The following TMTC2 variants were observed in gnomAD, a reference collection of about 807,000 sequenced individuals.
The protein encoded by TMTC2 is transmembrane O-mannosyltransferase targeting cadherins 2, also known as protein O-mannosyl-transferase TMTC2.
In TMTC2, 43 loss-of-function variants were observed where a neutral mutation model predicts 82.4. The ratio of observed to expected loss-of-function variants is 0.52; its 90% CI spans 0.41 to 0.67. The LOEUF (loss-of-function observed/expected upper bound fraction) is 0.67, where lower values mean the gene tolerates loss of function less well. TMTC2 is among the 30% of genes least tolerant of loss of function. The pLI, the probability that TMTC2 is intolerant of heterozygous loss-of-function variation, is 0.00. For missense variants in TMTC2, 919 were observed against 1,012.4 expected (o/e 0.91, Z 1.25); for synonymous variants, 408 against 381.9 (o/e 1.07, Z -0.80).
intron 1 of TMTC2, among the ~76,000 whole-genome samples, chr12:82,736,029 T>C (rs1233181540): frequency 6.6e-6 from 1 of 151,892 alleles, no homozygotes; most frequent in Admixed American, 6.6e-5. Flanking sequence ...GAGTTTTAAA[T>C]TTTGCTCCGG....
chr12:82,921,961 G>A (rs538847819), intron 3 of TMTC2, among the ~76,000 whole-genome samples: 1 of 151,072 alleles, frequency 6.6e-6, no homozygotes, highest in African/African-American at 2.4e-5. Context: ...AAAAAAAAAG[G>A]CCAGTCATGG....
At chr12:82,993,949 T>A (rs964801692) in intron 8 of TMTC2, among the ~76,000 whole-genome samples, 1 of 152,094 alleles carries the variant, frequency 6.6e-6, no homozygotes. Flanking sequence ...TGTGCTGCTT[T>A]AGGCTGAATG....
chr12:82,842,655 T>C (rs1156670947), intron 1 of TMTC2, among the ~76,000 whole-genome samples: 1 of 152,170 alleles, frequency 6.6e-6, no homozygotes, highest in Non-Finnish European at 1.5e-5. Context: ...GCATAAACAA[T>C]GGAATCTTAT....
chr12:82,887,798 G>A (rs572681654), intron 2 of TMTC2, among the ~76,000 whole-genome samples: 11 of 152,086 alleles, frequency 7.2e-5, no homozygotes, highest in Admixed American at 2.6e-4. Flanking sequence ...TTAGACTTTC[G>A]GCCAGATGTG....
chr12:83,070,312 C>T (rs1333261135), intron 11 of TMTC2, among the ~76,000 whole-genome samples: 1 of 152,132 alleles, frequency 6.6e-6, no homozygotes, highest in Non-Finnish European at 1.5e-5. Flanking sequence ...TTCTACCCAT[C>T]CATGAGCATG....
chr12:82,997,142 T>C (rs7307961), intron 8 of TMTC2, among the ~76,000 whole-genome samples: 120,409 of 134,166 alleles, frequency 0.9, 54,115 homozygotes, highest in South Asian at 0.96. Flanking sequence ...GACTCCCTCA[T>C]CATTTTGATA....
chr12:82,715,214 G>A (rs1451048136), intron 1 of TMTC2, among the ~76,000 whole-genome samples: 2 of 150,790 alleles, frequency 1.3e-5, no homozygotes, highest in African/African-American at 2.4e-5. Context: ...AGGTTGCAGT[G>A]AGCCAAGACG....
chr12:82,708,333 G>A (rs191655907), intron 1 of TMTC2, among the ~76,000 whole-genome samples: 14 of 152,298 alleles, frequency 9.2e-5, no homozygotes, highest in East Asian at 1.9e-4. Context: ...CGATGTAATT[G>A]TTAGGAGTGA....
chr12:83,001,156 C>G (rs867390263), intron 8 of TMTC2, among the ~76,000 whole-genome samples: 1 of 152,154 alleles, frequency 6.6e-6, no homozygotes, highest in African/African-American at 2.4e-5. Context: ...GATTAACATT[C>G]GGCTCCTCGT....
intron 11 of TMTC2, among the ~76,000 whole-genome samples, chr12:83,109,525 C>T (rs1392886375): frequency 6.6e-6 from 1 of 152,182 alleles, no homozygotes. Context: ...CAGGTTTTCT[C>T]TTCTGCAACA....
At chr12:82,730,060 C>A (rs1024765998) in intron 1 of TMTC2, among the ~76,000 whole-genome samples, 2 of 152,082 alleles carry the variant, frequency 1.3e-5, no homozygotes, top group African/African-American at 4.8e-5. Context: ...GGAACAAACT[C>A]CGGACACGCT....
At chr12:82,822,585 C>T (rs530018686) in intron 1 of TMTC2, among the ~76,000 whole-genome samples, 21 of 152,268 alleles carry the variant, frequency 1.4e-4, no homozygotes, top group African/African-American at 4.6e-4. Context: ...AACTTGAATG[C>T]CTATAACAAG....
intron 3 of TMTC2, among the ~76,000 whole-genome samples, chr12:82,925,732 G>A (rs940068767): frequency 1.2e-4 from 19 of 152,082 alleles, no homozygotes; most frequent in African/African-American, 4.6e-4. Flanking sequence ...CAGATGTTGC[G>A]CATGTTCTGT....
At chr12:83,085,494 G>A (rs115853671) in intron 11 of TMTC2, among the ~76,000 whole-genome samples, 61 of 152,260 alleles carry the variant, frequency 4.0e-4, no homozygotes, top group African/African-American at 1.4e-3. Context: ...AAATAGTGGT[G>A]TATATTCACT....
intron 4 of TMTC2, among the ~76,000 whole-genome samples, chr12:82,963,239 G>A (rs900879560): frequency 6.6e-6 from 1 of 151,846 alleles, no homozygotes; most frequent in Non-Finnish European, 1.5e-5. Flanking sequence ...CAGGTTATAC[G>A]GGTGTTTTCT....
intron 1 of TMTC2, among the ~76,000 whole-genome samples, chr12:82,705,409 A>G (rs943850839): frequency 1.3e-5 from 2 of 152,254 alleles, no homozygotes; most frequent in South Asian, 2.1e-4. Context: ...TGGTAAGAAC[A>G]TTGTAGATTG....
chr12:82,944,083 G>T (rs1876862414), intron 4 of TMTC2, among the ~76,000 whole-genome samples: 1 of 152,168 alleles, frequency 6.6e-6, no homozygotes, highest in African/African-American at 2.4e-5. Context: ...AGTTTGAGGT[G>T]ACTATTGAAC....
rs570309940 is a variant in TMTC2 at position 82,790,758 on chromosome 12, C to T, written c.84-66252C>T. 1.0e-4 allele frequency among the ~76,000 whole-genome samples: 15 copies of T among 148,240 alleles called. No individual in the cohort carries two copies. The South Asian group carries it at 3.0e-3, about 30-fold the overall frequency. ...AGGAGAATCACTTGAACCCGGGAGG[C>T]GGAGGTTACAGTGAGCTGAGATCGC... is the stretch of plus-strand genomic sequence containing the variant. On this transcript the variant is annotated intron_variant, in intron 1 of 11. Coordinates refer to ENST00000321196, the MANE Select transcript of TMTC2 (RefSeq NM_152588.3).
At chr12:82,726,502 G>C (rs1336586078) in intron 1 of TMTC2, among the ~76,000 whole-genome samples, 1 of 152,186 alleles carries the variant, frequency 6.6e-6, no homozygotes, top group Non-Finnish European at 1.5e-5. Flanking sequence ...CTGGTAGGAA[G>C]GTTATGTTAT....
Sources: gnomAD v4.1 joint callset for allele counts (sites outside exome capture counted in the v4.1 genomes callset) on GRCh38, gnomAD v4.1.1 for gene constraint, MANE v1.5 for transcripts, NCBI Gene and HGNC (gene_info 2026-07-23, HGNC 2026-07-21) for gene names.